KDM5B: variants seen among roughly 807,000 people sequenced by gnomAD.
KDM5B encodes lysine demethylase 5B.
KDM5B carries 144 observed loss-of-function variants against 193.4 expected under a neutral mutation model. The ratio of observed to expected loss-of-function variants is 0.74; its 90% CI spans 0.65 to 0.86. The LOEUF is 0.86. KDM5B is among the 40% of genes least tolerant of loss of function. The pLI is 0.00. For missense variants in KDM5B, 1,833 were observed against 1,886.9 expected (o/e 0.97, Z 0.53); for synonymous variants, 668 against 682.6 (o/e 0.98, Z 0.33).
At chr1:202,801,267 TAA>T (rs10712316) in intron 1 of KDM5B, among the ~76,000 whole-genome samples, 14 of 150,294 alleles carry the variant, frequency 9.3e-5, no homozygotes, top group South Asian at 4.2e-4. Context: ...CTTAAATGCT[TAA>T]AAAAAAAAAG....
chr1:202,730,932 G>A lies in KDM5B; in HGVS notation c.4153C>T (p.Pro1385Ser). Residue 1385 changes from proline (P) to serine (S), a missense_variant, in exon 25 of 27, where the codon CCA (proline) becomes TCA (serine). Physicochemically the swap from Pro to Ser is moderately conservative, Grantham distance 74. This residue lies in a region of KDM5B where 1,379 missense variants were observed against 1,349.6 expected (regional missense o/e 1.02). Coordinates refer to ENST00000367265, the MANE Select transcript of KDM5B (RefSeq NM_006618.5). ...ACCTTCTCACTGCTGGGTCTCACTG[G>A]TGAGCTTCGGTCAGTCTGCTGAGCA... ...SPAQQTDRSS[P>S]VRPSSEKNDC... The A allele has an allele frequency of 6.2e-7, 1 of 1,609,200 alleles. No individual in the cohort carries two copies. Among genetic ancestry groups the A allele is most frequent in the Non-Finnish European group, 8.5e-7 (1 of 1,176,750 alleles).
chr1:202,807,120 G>A (rs1244401510), intron 1 of KDM5B: 1 of 152,308 alleles, frequency 6.6e-6, no homozygotes, highest in Admixed American at 6.5e-5. Context: ...GGGCTGCGGT[G>A]GGTGACTGCC....
Position 202,767,035 on chromosome 1 carries a change from G to T in KDM5B, c.602C>A (p.Thr201Lys). The T allele has an allele frequency of 6.2e-7, 1 of 1,609,412 alleles. No homozygotes were observed. Among genetic ancestry groups the T allele is most frequent in the Non-Finnish European group, 8.5e-7 (1 of 1,178,954 alleles). Residue 201 changes from threonine to lysine, a missense_variant, in exon 5 of 27, where the codon ACA (threonine) becomes AAA (lysine). Thr to Lys is a moderately conservative substitution (Grantham distance 78). Coordinates refer to ENST00000367265, the MANE Select transcript of KDM5B (RefSeq NM_006618.5). ...LRCLQKPNLT[T>K]DTKDKEYKPH... is the part of the protein sequence containing the mutation. ...TTTGTACTCCTTGTCCTTAGTGTCT[G>T]TGGTCAGGTTTGGCTTCTGCAAACA... is the stretch of plus-strand genomic sequence containing the variant.
intron 1 of KDM5B, among the ~76,000 whole-genome samples, chr1:202,804,879 A>AG (rs1343838365): frequency 6.6e-6 from 1 of 152,026 alleles, no homozygotes; most frequent in East Asian, 1.9e-4. Flanking sequence ...AAAAAAAAAA[A>AG]AAAGAAATTT....
intron 1 of KDM5B, among the ~76,000 whole-genome samples, chr1:202,787,952 G>C (rs984795672): frequency 3.9e-5 from 6 of 152,088 alleles, no homozygotes; most frequent in African/African-American, 9.7e-5. Flanking sequence ...TAGCTGAAAG[G>C]GGGGAGTTTT....
intron 4 of KDM5B, chr1:202,767,514 C>T (rs1054824904): frequency 1.1e-5 from 8 of 703,250 alleles, no homozygotes; most frequent in South Asian, 3.4e-5. Flanking sequence ...CCTTGTTCCC[C>T]GGTGTGCAAG....
chr1:202,790,985 C>A lies in KDM5B; in HGVS notation c.205-13891G>T, dbSNP rs143096906. ...AACACAAATGAACTAACATACTGAC[C>A]AAGCTTCAAGGCTAGATCTCCTACT... On this transcript the variant is annotated intron_variant, in intron 1 of 26. Coordinates refer to ENST00000367265, the MANE Select transcript of KDM5B (RefSeq NM_006618.5). 3.8e-3 allele frequency among the ~76,000 whole-genome samples: 571 copies of A among 152,168 alleles called. 16 individuals are homozygous for A. The highest frequency in any genetic ancestry group is 0.026 in the Admixed American group (400 of 15,280).
At chr1:202,767,393 T>C (rs1486285079) in intron 4 of KDM5B, 1 of 1,469,564 alleles carries the variant, frequency 6.8e-7, no homozygotes, top group East Asian at 2.3e-5. Flanking sequence ...ACAGAGGCTG[T>C]GAACCTCCGG....
chr1:202,799,442 T>C (rs2102344828), intron 1 of KDM5B, among the ~76,000 whole-genome samples: 1 of 152,210 alleles, frequency 6.6e-6, no homozygotes, highest in African/African-American at 2.4e-5. Context: ...TCACCTGAGG[T>C]CGGGAGTTCG....
intron 23 of KDM5B, 174 bp from the exon 24 acceptor site, chr1:202,732,113 A>T (rs1419787549): frequency 9.0e-6 from 5 of 556,740 alleles, no homozygotes; most frequent in Non-Finnish European, 1.6e-5. Flanking sequence ...TGGCCAAATC[A>T]ACTCATATCT....
chr1:202,770,530 T>A (rs1656669813), intron 4 of KDM5B, among the ~76,000 whole-genome samples: 1 of 152,220 alleles, frequency 6.6e-6, no homozygotes, highest in East Asian at 1.9e-4. Flanking sequence ...GGAATATTCA[T>A]CATAGTATTA....
chr1:202,803,114 T>C (rs749525618), intron 1 of KDM5B, among the ~76,000 whole-genome samples: 4 of 151,958 alleles, frequency 2.6e-5, no homozygotes, highest in Admixed American at 6.5e-5. Flanking sequence ...GGAGCCTTGA[T>C]TGCAACACTG....
chr1:202,729,186 A>C lies in KDM5B; in HGVS notation c.4498-13T>G. 1 of 1,613,968 alleles carries C rather than the reference A, an allele frequency of 6.2e-7. No individual in the cohort carries two copies. Among genetic ancestry groups the C allele is most frequent in the Non-Finnish European group, 8.5e-7 (1 of 1,179,922 alleles). On this transcript the variant is annotated splice_polypyrimidine_tract_variant and intron_variant, in intron 26 of 26. Transcript: ENST00000367265. ...GGACCCAGTCCACCTGGTTACAAAGAGCAGGAAGATGGGGTTTTCAGAGGA... is the reference window on the plus strand; with the variant it reads ...GGACCCAGTCCACCTGGTTACAAAGCGCAGGAAGATGGGGTTTTCAGAGGA...
At chr1:202,800,113 G>A (rs1161829573) in intron 1 of KDM5B, among the ~76,000 whole-genome samples, 5 of 151,998 alleles carry the variant, frequency 3.3e-5, no homozygotes, top group East Asian at 1.9e-4. Context: ...GTGCGATATC[G>A]GCTCACTGCA....
intron 1 of KDM5B, among the ~76,000 whole-genome samples, chr1:202,803,823 C>CA (rs897225016): frequency 2.9e-5 from 4 of 140,224 alleles, no homozygotes; most frequent in African/African-American, 7.9e-5. Context: ...AACTCCATCT[C>CA]AAAAAAAAAA....
At chr1:202,797,357 C>T (rs1313354560) in intron 1 of KDM5B, among the ~76,000 whole-genome samples, 1 of 152,154 alleles carries the variant, frequency 6.6e-6, no homozygotes, top group Non-Finnish European at 1.5e-5. Flanking sequence ...TCTGCCCCTC[C>T]CCTATGTTTC....
Position 202,742,636 on chromosome 1 carries a change from C to T in KDM5B, c.2474+19G>A. 5.0e-6 allele frequency: 8 copies of T among 1,612,394 alleles called. No homozygotes were observed. The highest frequency in any genetic ancestry group is 4.4e-5 in the South Asian group (4 of 90,862). On this transcript the variant is annotated intron_variant, in intron 17 of 26. Coordinates refer to ENST00000367265, the MANE Select transcript of KDM5B (RefSeq NM_006618.5). ...ATAGGTGCCAAAGAATCCAAACTCACGCAGTCAGAAGCGCATACCTAGTTT... is the reference window on the plus strand; with the variant it reads ...ATAGGTGCCAAAGAATCCAAACTCATGCAGTCAGAAGCGCATACCTAGTTT...
Position 202,808,278 on chromosome 1 carries a change from C to T in KDM5B, c.28G>A (p.Gly10Ser). MEAATTLHP[G>S]PRPALPLGGP... ...CCGAGGGGCAGCGCCGGGCGCGGGC[C>T]TGGGTGCAGTGTGGTGGCCGCCTCC... is the stretch of plus-strand genomic sequence containing the variant. The change falls in exon 1 of 27, where the codon GGC becomes AGC. Residue 10 changes from glycine (G) to serine (S), a missense_variant. Physicochemically the swap from Gly to Ser is moderately conservative, Grantham distance 56. This residue lies in a region of KDM5B where 355 missense variants were observed against 374.9 expected (regional missense o/e 0.95). Transcript: ENST00000367265. The T allele has an allele frequency of 6.2e-7, 1 of 1,607,006 alleles. No individual in the cohort carries two copies. The highest frequency in any genetic ancestry group is 2.2e-5 in the East Asian group (1 of 44,742).
chr1:202,798,435 T>A (rs1036247200), intron 1 of KDM5B, among the ~76,000 whole-genome samples: 1 of 151,964 alleles, frequency 6.6e-6, no homozygotes, highest in Non-Finnish European at 1.5e-5. Flanking sequence ...ATGCTGGCTA[T>A]ACTCTGGTTT....
Sources: gnomAD v4.1 joint callset for allele counts (sites outside exome capture counted in the v4.1 genomes callset) on GRCh38, gnomAD v4.1.1 for gene constraint, gnomAD v4.1.1 regional missense constraint, MANE v1.5 for transcripts, NCBI Gene and HGNC (gene_info 2026-07-23, HGNC 2026-07-21) for gene names.